The following RBPJ variants were observed in gnomAD, a reference collection of about 807,000 sequenced individuals.
The protein encoded by RBPJ is recombining binding protein suppressor of hairless.
A neutral mutation model predicts 67.8 loss-of-function variants in RBPJ; 9 were observed. That is an observed-to-expected ratio of 0.13 (90% confidence interval 0.08 to 0.23). The LOEUF is 0.23. RBPJ is among the 10% of genes least tolerant of loss of function. RBPJ has a pLI of 1.00. For synonymous variants in RBPJ, 198 were observed against 203.3 expected, an observed-to-expected ratio of 0.97 and a Z score of 0.22; for missense variants, 305 against 595.6, an observed-to-expected ratio of 0.51 and a Z score of 5.08.
intron 1 of RBPJ, among the ~76,000 whole-genome samples, chr4:26,349,090 G>A (rs1025747386): frequency 1.5e-5 from 2 of 136,268 alleles, no homozygotes; most frequent in Non-Finnish European, 3.3e-5. Context: ...GTGTGTGTGC[G>A]CGCGCGCACG....
chr4:26,109,481 T>TACACACAC, the RBPJ span, among the ~76,000 whole-genome samples: 655 of 52,612 alleles, frequency 0.012, 86 homozygotes, highest in African/African-American at 0.052. Flanking sequence ...TATATATATA[T>TACACACAC]ATATATATAT....
intron 3 of RBPJ, among the ~76,000 whole-genome samples, chr4:26,412,243 A>G (rs1240903960): frequency 6.6e-6 from 1 of 152,094 alleles, no homozygotes; most frequent in Non-Finnish European, 1.5e-5. Context: ...CCGAGTGCCA[A>G]CATGACCCTG....
chr4:26,200,814 G>T (rs1271370424), intron 1 of RBPJ, among the ~76,000 whole-genome samples: 1 of 152,082 alleles, frequency 6.6e-6, no homozygotes, highest in Non-Finnish European at 1.5e-5. Flanking sequence ...CTGTGATTAG[G>T]TGCTTCTTGT....
chr4:26,184,675 AC>A (rs1335036923), intron 1 of RBPJ, among the ~76,000 whole-genome samples: 1 of 152,064 alleles, frequency 6.6e-6, no homozygotes, highest in African/African-American at 2.4e-5. Flanking sequence ...AATCCTCATA[AC>A]AGATTGGAGT....
intron 1 of RBPJ, among the ~76,000 whole-genome samples, chr4:26,285,905 G>A (rs979047055): frequency 2.0e-5 from 3 of 152,154 alleles, no homozygotes; most frequent in East Asian, 3.9e-4. Context: ...CAAAATTTTA[G>A]TCCAGACCAG....
chr4:26,272,866 T>A, intron 1 of RBPJ: 1 of 299,244 alleles, frequency 3.3e-6, no homozygotes, highest in South Asian at 2.9e-5. Context: ...AAAGCTGTGG[T>A]TAGATTTGTG....
At chr4:26,345,613 G>A (rs1482149258) in intron 1 of RBPJ, among the ~76,000 whole-genome samples, 14 of 152,126 alleles carry the variant, frequency 9.2e-5, no homozygotes, top group Admixed American at 9.2e-4. Flanking sequence ...TACATCCCTG[G>A]GGAGAGTAGT....
chr4:26,320,779 C>T (rs1484367037), upstream of RBPJ: 2 of 1,555,038 alleles, frequency 1.3e-6, no homozygotes, highest in East Asian at 4.8e-5. Context: ...GAGGGCTCGC[C>T]CGCGGAGGAG....
intron 1 of RBPJ, among the ~76,000 whole-genome samples, chr4:26,279,205 T>C (rs1721177223): frequency 6.6e-6 from 1 of 152,184 alleles, no homozygotes; most frequent in African/African-American, 2.4e-5. Flanking sequence ...TCAATCCAGT[T>C]GGGCAGAAGA....
chr4:26,288,423 C>A (rs896548347), intron 1 of RBPJ, among the ~76,000 whole-genome samples: 51 of 152,206 alleles, frequency 3.4e-4, no homozygotes, highest in African/African-American at 1.1e-3. Flanking sequence ...TCTGGCATGG[C>A]AGTTGGCTTC....
chr4:26,271,546 C>T (rs1720916703), intron 1 of RBPJ, among the ~76,000 whole-genome samples: 1 of 151,944 alleles, frequency 6.6e-6, no homozygotes, highest in South Asian at 2.1e-4. Context: ...TTAATCTTCT[C>T]TGCTTGATGA....
At chr4:26,233,777 G>A (rs1352597823) in intron 1 of RBPJ, among the ~76,000 whole-genome samples, 2 of 152,282 alleles carry the variant, frequency 1.3e-5, no homozygotes, top group East Asian at 3.9e-4. Context: ...AAAGGAAATT[G>A]GAAAGCAGAT....
At chr4:26,227,505 A>G (rs1560219285) in intron 1 of RBPJ, among the ~76,000 whole-genome samples, 1 of 152,226 alleles carries the variant, frequency 6.6e-6, no homozygotes, top group Non-Finnish European at 1.5e-5. Flanking sequence ...AGTCTAGGGA[A>G]AAGGGCCCAA....
chr4:26,259,725 G>T (rs867565001), intron 1 of RBPJ, among the ~76,000 whole-genome samples: 1 of 152,194 alleles, frequency 6.6e-6, no homozygotes, highest in East Asian at 1.9e-4. Flanking sequence ...GTTGGCTATT[G>T]TCTCTGCTGT....
the RBPJ span, among the ~76,000 whole-genome samples, chr4:26,142,802 GAC>G: frequency 1.3e-5 from 2 of 152,146 alleles, no homozygotes; most frequent in Non-Finnish European, 1.5e-5. Flanking sequence ...GAGAGAGAGA[GAC>G]AGAGTCTCGT....
upstream of RBPJ, among the ~76,000 whole-genome samples, chr4:26,316,007 C>T (rs903102594): frequency 8.5e-5 from 13 of 152,050 alleles, no homozygotes; most frequent in African/African-American, 2.9e-4. Flanking sequence ...TCAAGGTGCA[C>T]TGATTTCATA....
intron 1 of RBPJ, among the ~76,000 whole-genome samples, chr4:26,193,974 G>C (rs369165207): frequency 6.6e-6 from 1 of 152,084 alleles, no homozygotes; most frequent in East Asian, 1.9e-4. Context: ...CACACATCTT[G>C]CTTCCTTTAC....
chr4:26,285,955 A>AT (rs944122235), intron 1 of RBPJ, among the ~76,000 whole-genome samples: 54 of 141,042 alleles, frequency 3.8e-4, no homozygotes, highest in African/African-American at 1.2e-3. Context: ...ACAAAAAATT[A>AT]TTTTTAAAAA....
intron 1 of RBPJ, among the ~76,000 whole-genome samples, chr4:26,331,057 G>T (rs556590940): frequency 2.0e-5 from 3 of 152,282 alleles, no homozygotes; most frequent in Admixed American, 2.0e-4. Context: ...GACACATTCA[G>T]TGACTGAGCT....
Sources: gnomAD v4.1 joint callset for allele counts (sites outside exome capture counted in the v4.1 genomes callset) on GRCh38, gnomAD v4.1.1 for gene constraint, MANE v1.5 for transcripts, NCBI Gene and HGNC (gene_info 2026-07-23, HGNC 2026-07-21) for gene names.